Variants in ACVR2A observed in about 807,000 individuals in gnomAD.
The protein encoded by ACVR2A is activin A receptor type 2A.
ACVR2A carries 7 observed loss-of-function variants against 61.4 expected under a neutral mutation model. The observed-to-expected ratio is 0.11, with a 90% CI of 0.06 to 0.21. ACVR2A has a LOEUF of 0.21. ACVR2A is among the 10% of genes least tolerant of loss of function. The probability of loss-of-function intolerance (pLI) is 1.00; values close to 1 mark genes in which losing one functional copy is unlikely to be tolerated. For synonymous variants in ACVR2A, 193 were observed against 208.3 expected (o/e 0.93, Z 0.63); for missense variants, 322 against 621.7 (o/e 0.52, Z 5.13).
chr2:147,847,550 G>A (rs908616841), intron 1 of ACVR2A, among the ~76,000 whole-genome samples: 1 of 152,044 alleles, frequency 6.6e-6, no homozygotes, highest in Non-Finnish European at 1.5e-5. Flanking sequence ...GAACAGTTTT[G>A]TTCCAGGTGT....
intron 4 of ACVR2A, among the ~76,000 whole-genome samples, chr2:147,914,821 A>C (rs1443866559): frequency 2.0e-5 from 3 of 151,946 alleles, no homozygotes; most frequent in African/African-American, 7.2e-5. Flanking sequence ...CACTTTTCAA[A>C]TCATCCTCCT....
At chr2:147,863,719 A>G (rs1435258970) in intron 1 of ACVR2A, among the ~76,000 whole-genome samples, 1 of 152,222 alleles carries the variant, frequency 6.6e-6, no homozygotes, top group Non-Finnish European at 1.5e-5. Flanking sequence ...AAGTCTGCAT[A>G]CAGGTGGATT....
At chr2:147,849,509 T>G (rs1685397749) in intron 1 of ACVR2A, among the ~76,000 whole-genome samples, 1 of 152,192 alleles carries the variant, frequency 6.6e-6, no homozygotes, top group Admixed American at 6.5e-5. Flanking sequence ...GGGTTTTGGT[T>G]ACCGTTAGAC....
At chr2:147,899,959 G>A (rs1223707261) in intron 4 of ACVR2A, 61 bp downstream of exon 4, 41 of 1,524,096 alleles carry the variant, frequency 2.7e-5, no homozygotes, top group Non-Finnish European at 3.7e-5. Context: ...AAATATTACT[G>A]TGGTGAAACC....
intron 1 of ACVR2A, among the ~76,000 whole-genome samples, chr2:147,867,541 C>T (rs1685893678): frequency 6.6e-6 from 1 of 152,052 alleles, no homozygotes. Context: ...TCCTTACCAT[C>T]TCGTATCTGG....
At chr2:147,883,351 C>T (rs1686355502) in intron 1 of ACVR2A, among the ~76,000 whole-genome samples, 1 of 152,136 alleles carries the variant, frequency 6.6e-6, no homozygotes, top group African/African-American at 2.4e-5. Flanking sequence ...CTACCACACC[C>T]AGCTAATTTT....
intron 4 of ACVR2A, among the ~76,000 whole-genome samples, chr2:147,912,097 A>G (rs1431608784): frequency 6.6e-6 from 1 of 151,960 alleles, no homozygotes; most frequent in Non-Finnish European, 1.5e-5. Context: ...TCACCCTTCA[A>G]ATGGAGAACT....
intron 1 of ACVR2A, among the ~76,000 whole-genome samples, chr2:147,852,907 A>G (rs959882314): frequency 6.6e-6 from 1 of 152,116 alleles, no homozygotes; most frequent in Non-Finnish European, 1.5e-5. Context: ...TGTGATGAAG[A>G]GAGTTCACAA....
intron 4 of ACVR2A, among the ~76,000 whole-genome samples, chr2:147,909,833 G>A (rs1201179629): frequency 6.6e-6 from 1 of 151,878 alleles, no homozygotes; most frequent in Non-Finnish European, 1.5e-5. Flanking sequence ...GTAGAGAAGG[G>A]ATCTCCCTGT....
intron 1 of ACVR2A, among the ~76,000 whole-genome samples, chr2:147,865,555 T>C (rs1291910576): frequency 6.6e-6 from 1 of 152,206 alleles, no homozygotes; most frequent in Admixed American, 6.5e-5. Context: ...TGTTGCTGTT[T>C]CTCAGAGTTT....
At chr2:147,873,660 GAGAC>G (rs3051124) in intron 1 of ACVR2A, among the ~76,000 whole-genome samples, 21,403 of 151,832 alleles carry the variant, frequency 0.14, 1,885 homozygotes, top group Middle Eastern at 0.22. Flanking sequence ...TTTTGGGAGA[GAGAC>G]AGAAACTGGT....
chr2:147,929,429 T>C lies in ACVR2A; in HGVS notation c.*2155T>C, dbSNP rs1031330180. ...ATGATGAATGTTTGGCTTATGTGAG[T>C]ACTAGAGATAAAATTTTTAAACCCA... On this transcript the variant is annotated 3_prime_UTR_variant, in exon 11 of 11. Transcript: ENST00000241416. The C allele has an allele frequency of 5.9e-5, 9 of 152,134 alleles. No individual in the cohort carries two copies. The highest frequency in any genetic ancestry group is 2.2e-4 in the African/African-American group (9 of 41,418). The allele number at this position is 152,134 out of a possible 1,614,324, so 9.4% of individuals were successfully genotyped here. A position where few individuals can be genotyped will look rare whatever the true frequency, so the allele number is the denominator to read the frequency against.
intron 1 of ACVR2A, among the ~76,000 whole-genome samples, chr2:147,852,426 A>T (rs1175653888): frequency 6.6e-6 from 1 of 152,128 alleles, no homozygotes; most frequent in East Asian, 1.9e-4. Flanking sequence ...CTAGTTCAAC[A>T]ATCCTTATTT....
chr2:147,893,817 A>G (rs1490074932), intron 1 of ACVR2A, among the ~76,000 whole-genome samples: 1 of 152,146 alleles, frequency 6.6e-6, no homozygotes, highest in African/African-American at 2.4e-5. Context: ...ATTTTCTTCC[A>G]GTCTGTGACT....
intron 4 of ACVR2A, among the ~76,000 whole-genome samples, chr2:147,910,552 G>C (rs545767308): frequency 3.4e-4 from 52 of 152,232 alleles, no homozygotes; most frequent in African/African-American, 1.0e-3. Context: ...TAAGCAACTG[G>C]TACAGATAAA....
At chr2:147,895,351 A>G (rs547389696) in intron 1 of ACVR2A, among the ~76,000 whole-genome samples, 2 of 152,256 alleles carry the variant, frequency 1.3e-5, no homozygotes, top group African/African-American at 4.8e-5. Context: ...TCTACTTACA[A>G]CACCATATGA....
intron 1 of ACVR2A, among the ~76,000 whole-genome samples, chr2:147,851,257 A>G (rs1318663300): frequency 6.6e-6 from 1 of 151,968 alleles, no homozygotes; most frequent in East Asian, 1.9e-4. Flanking sequence ...GTTCCTGCCT[A>G]TTTTTTCTAA....
chr2:147,899,388 A>T (rs1686819083), intron 2 of ACVR2A, 70 bp from the exon 3 acceptor site: 3 of 986,348 alleles, frequency 3.0e-6, no homozygotes, highest in African/African-American at 3.4e-5. Context: ...TTATTGCAGA[A>T]TAAAAACACT....
At chr2:147,889,117 T>G (rs182711389) in intron 1 of ACVR2A, among the ~76,000 whole-genome samples, 1 of 152,326 alleles carries the variant, frequency 6.6e-6, no homozygotes, top group African/African-American at 2.4e-5. Flanking sequence ...GTGTGATTGA[T>G]TTTTGAATCT....
Sources: gnomAD v4.1 joint callset for allele counts (sites outside exome capture counted in the v4.1 genomes callset) on GRCh38, gnomAD v4.1.1 for gene constraint, MANE v1.5 for transcripts, NCBI Gene and HGNC (gene_info 2026-07-23, HGNC 2026-07-21) for gene names.